UNC5D: variants seen among roughly 807,000 people sequenced by gnomAD.
UNC5D encodes the protein netrin receptor UNC5D.
In UNC5D, 39 loss-of-function variants were observed where a neutral mutation model predicts 105.4. The observed-to-expected ratio is 0.37, with a 90% CI of 0.29 to 0.48. The LOEUF is 0.48. UNC5D is among the 20% of genes least tolerant of loss of function. The pLI is 0.98. For missense variants in UNC5D, 991 were observed against 1,202.4 expected, an observed-to-expected ratio of 0.82 and a Z score of 2.60; for synonymous variants, 452 against 450.4, an observed-to-expected ratio of 1.00 and a Z score of -0.04.
intron 1 of UNC5D, among the ~76,000 whole-genome samples, chr8:35,403,280 G>A (rs1563383217): frequency 6.6e-6 from 1 of 152,214 alleles, no homozygotes; most frequent in Non-Finnish European, 1.5e-5. Context: ...ACTGCTGTGT[G>A]TTAACACCTT....
intron 7 of UNC5D, among the ~76,000 whole-genome samples, chr8:35,688,105 C>G (rs1424501333): frequency 6.6e-6 from 1 of 151,810 alleles, no homozygotes; most frequent in South Asian, 2.1e-4. Context: ...GCACTCCAGC[C>G]TGGGTGACAG....
chr8:35,684,891 A>G, intron 6 of UNC5D, 142 bp downstream of exon 6: 1 of 1,117,726 alleles, frequency 8.9e-7, no homozygotes, highest in Non-Finnish European at 1.2e-6. Flanking sequence ...GTGCTAATGT[A>G]AAGCTCATTG....
intron 1 of UNC5D, among the ~76,000 whole-genome samples, chr8:35,432,680 C>T (rs1290033786): frequency 1.3e-5 from 2 of 152,116 alleles, no homozygotes; most frequent in African/African-American, 4.8e-5. Flanking sequence ...AAAAACGGGT[C>T]CCTCATCAGT....
At chr8:35,740,673 C>A (rs1246839054) in intron 11 of UNC5D, among the ~76,000 whole-genome samples, 5 of 152,120 alleles carry the variant, frequency 3.3e-5, no homozygotes, top group African/African-American at 4.8e-5. Context: ...AATTTAAACT[C>A]CAGGTTTGGA....
At chr8:35,672,676 TTA>T (rs1824900079) in intron 4 of UNC5D, among the ~76,000 whole-genome samples, 1 of 152,156 alleles carries the variant, frequency 6.6e-6, no homozygotes, top group Non-Finnish European at 1.5e-5. Context: ...ATTCTTATAT[TTA>T]TGTTTCTTCT....
intron 13 of UNC5D, among the ~76,000 whole-genome samples, chr8:35,753,250 T>C (rs562262021): frequency 6.6e-6 from 1 of 151,928 alleles, no homozygotes; most frequent in East Asian, 1.9e-4. Context: ...CCAAATGTAT[T>C]TCATCATTGA....
chr8:35,631,828 G>A (rs1332667058), intron 4 of UNC5D, among the ~76,000 whole-genome samples: 1 of 152,206 alleles, frequency 6.6e-6, no homozygotes, highest in Non-Finnish European at 1.5e-5. Context: ...TTTGGAATCT[G>A]CAGAGGTTTG....
intron 1 of UNC5D, among the ~76,000 whole-genome samples, chr8:35,273,183 C>T (rs757077171): frequency 5.9e-5 from 9 of 152,164 alleles, no homozygotes; most frequent in Non-Finnish European, 1.2e-4. Context: ...TGGAGTATCT[C>T]AATAATCTTT....
chr8:35,738,075 C>CAG (rs1463024583), intron 11 of UNC5D, among the ~76,000 whole-genome samples: 1 of 152,124 alleles, frequency 6.6e-6, no homozygotes, highest in Admixed American at 6.5e-5. Flanking sequence ...CATTGCACTC[C>CAG]AGCCTGGGCA....
intron 3 of UNC5D, among the ~76,000 whole-genome samples, chr8:35,578,839 T>C (rs1818283887): frequency 6.6e-6 from 1 of 152,208 alleles, no homozygotes; most frequent in Admixed American, 6.5e-5. Flanking sequence ...AGAAGTGTAT[T>C]CCACCACATC....
rs950935104 is a variant in UNC5D at position 35,760,423 on chromosome 8, A to T, written c.2313+954A>T. 4.4e-5 allele frequency among the ~76,000 whole-genome samples: 6 copies of T among 135,172 alleles called. No homozygotes were observed. The South Asian group carries it at 7.0e-4, about 16-fold the overall frequency. The allele number at this position is 135,172 out of a possible 152,430, so 88.7% of individuals were successfully genotyped here. ...TCCACATGTCTCCTATTAGAGATTT[A>T]AAAAAAAAAAATTCAGGGAGACTCA... On this transcript the variant is annotated intron_variant, in intron 14 of 16. Transcript: ENST00000404895.
rs1803225862 is a variant in UNC5D at position 35,795,625 on chromosome 8, T to C, written c.*5062T>C. The C allele has an allele frequency of 6.6e-6, 1 of 152,150 alleles. No individual in the cohort carries two copies. The highest frequency in any genetic ancestry group is 2.1e-4 in the South Asian group (1 of 4,830). 9.4% of individuals were successfully genotyped at this position (152,150 alleles called of 1,614,324 possible). A position where few individuals can be genotyped will look rare whatever the true frequency, so the allele number is the denominator to read the frequency against. On this transcript the variant is annotated 3_prime_UTR_variant, in exon 17 of 17. Coordinates refer to ENST00000404895, the MANE Select transcript of UNC5D (RefSeq NM_080872.4). ...TGATGCTGAGAGACACAGCACCCTGTGCCAGGTATCAGAAATATAAGCCTC... is the reference window on the plus strand; with the variant it reads ...TGATGCTGAGAGACACAGCACCCTGCGCCAGGTATCAGAAATATAAGCCTC...
chr8:35,726,814 C>A (rs12543917), intron 10 of UNC5D: 10,407 of 430,764 alleles, frequency 0.024, 480 homozygotes, highest in Admixed American at 0.12. Context: ...AGGCTTTAAG[C>A]CCCTTTGGAG....
chr8:35,590,085 A>G (rs888913618), intron 3 of UNC5D, among the ~76,000 whole-genome samples: 7 of 152,066 alleles, frequency 4.6e-5, no homozygotes, highest in Non-Finnish European at 8.8e-5. Flanking sequence ...CCTTTTAGAT[A>G]TTTTTATTAG....
chr8:35,371,231 A>G (rs1327147391), intron 1 of UNC5D, among the ~76,000 whole-genome samples: 2 of 152,030 alleles, frequency 1.3e-5, no homozygotes, highest in African/African-American at 4.8e-5. Flanking sequence ...AAAGATGGAG[A>G]ACACAGCATT....
chr8:35,365,591 CAAAA>C lies in UNC5D; in HGVS notation c.103+129727_103+129730del, dbSNP rs10715369. ...TCTTAGGCTTTCATGCCATCCCCTGCAAAAAAAAAAAAAAAAAAAAAAAAAAGCA... is the reference window on the plus strand; with the variant it reads ...TCTTAGGCTTTCATGCCATCCCCTGCAAAAAAAAAAAAAAAAAAAAAAGCA... On this transcript the variant is annotated intron_variant, in intron 1 of 16. Transcript: ENST00000404895. 7.0e-4 allele frequency among the ~76,000 whole-genome samples: 35 copies of C among 49,884 alleles called. 1 individual carries two copies. The highest frequency in any genetic ancestry group is 2.6e-3 in the African/African-American group (32 of 12,386). The allele number at this position is 49,884 out of a possible 152,430, so 32.7% of individuals were successfully genotyped here. A position where few individuals can be genotyped will look rare whatever the true frequency, so the allele number is the denominator to read the frequency against.
intron 1 of UNC5D, among the ~76,000 whole-genome samples, chr8:35,417,316 C>T (rs957122205): frequency 1.4e-5 from 2 of 147,450 alleles, no homozygotes; most frequent in African/African-American, 4.9e-5. Flanking sequence ...TTGAAATGAT[C>T]CCTGTGGATG....
intron 11 of UNC5D, among the ~76,000 whole-genome samples, chr8:35,746,478 A>G (rs566554848): frequency 2.0e-5 from 3 of 152,260 alleles, no homozygotes; most frequent in South Asian, 4.2e-4. Flanking sequence ...CAGTAGGAGG[A>G]TTAAATATAA....
intron 1 of UNC5D, among the ~76,000 whole-genome samples, chr8:35,259,561 C>A (rs534558276): frequency 1.1e-4 from 16 of 152,202 alleles, no homozygotes; most frequent in African/African-American, 3.9e-4. Context: ...GTTGGTAGTT[C>A]ATTTTTACCT....
Sources: gnomAD v4.1 joint callset for allele counts (sites outside exome capture counted in the v4.1 genomes callset) on GRCh38, gnomAD v4.1.1 for gene constraint, MANE v1.5 for transcripts, NCBI Gene and HGNC (gene_info 2026-07-23, HGNC 2026-07-21) for gene names.